Variants in KCNT1 observed in about 807,000 individuals in gnomAD.
KCNT1 encodes the protein potassium channel subfamily T member 1.
A neutral mutation model predicts 147.8 loss-of-function variants in KCNT1; 78 were observed. The ratio of observed to expected loss-of-function variants is 0.53; its 90% CI spans 0.44 to 0.64. The LOEUF (loss-of-function observed/expected upper bound fraction) is 0.64. Ranked by LOEUF, KCNT1 falls within the 30% of genes least tolerant of loss-of-function variation. The pLI, the probability that KCNT1 is intolerant of heterozygous loss-of-function variation, is 0.00. For missense variants in KCNT1, 1,419 were observed against 1,750.3 expected, an observed-to-expected ratio of 0.81 and a Z score of 3.38; for synonymous variants, 867 against 748.8, an observed-to-expected ratio of 1.16 and a Z score of -2.58.
At chr9:135,757,275 G>A in intron 8 of KCNT1, 23 bp from the exon 9 acceptor site, 1 of 1,612,736 alleles carries the variant, frequency 6.2e-7, no homozygotes, top group Non-Finnish European at 8.5e-7. Context: ...TGGAGCCCCA[G>A]CCCTGACCTG....
intron 2 of KCNT1, among the ~76,000 whole-genome samples, chr9:135,722,258 C>A (rs1835954407): frequency 1.3e-5 from 2 of 152,214 alleles, no homozygotes; most frequent in African/African-American, 4.8e-5. Context: ...GAGGGCGAAT[C>A]CCGCGTCCCC....
chr9:135,747,487 C>A lies in KCNT1; in HGVS notation c.255-2611C>A, dbSNP rs368516372. On this transcript the variant is annotated intron_variant, in intron 2 of 30. Transcript: ENST00000371757. ...CTCCCGCCTCAGCCCTGCCTGCCCC[C>A]CTGACATGGCCAGACCAGGCCCAGC... is the stretch of plus-strand genomic sequence containing the variant. Among the ~76,000 whole-genome samples the A allele has an allele frequency of 7.2e-5, 11 of 152,248 alleles. No individual in the cohort carries two copies. The East Asian group carries it at 7.7e-4, about 11-fold the overall frequency.
chr9:135,716,898 G>A (rs1182170719), intron 2 of KCNT1, among the ~76,000 whole-genome samples: 3 of 152,216 alleles, frequency 2.0e-5, no homozygotes, highest in African/African-American at 4.8e-5. Context: ...GGGCTGTGTG[G>A]TCGCCATACC....
intron 25 of KCNT1, 113 bp downstream of exon 25, chr9:135,784,238 T>TCCCTGGATTCCAAGGAGACCTC: frequency 1.2e-6 from 1 of 859,652 alleles, no homozygotes. Flanking sequence ...TGAATGACCT[T>TCCCTGGATTCCAAGGAGACCTC]CCCTGGATTC....
In KCNT1 at chr9:135,752,463, T is replaced by G; in HGVS notation, c.434+1422T>G. 2.2e-6 allele frequency: 1 copy of G among 456,178 alleles called. No individual in the cohort carries two copies. Among genetic ancestry groups the G allele is most frequent in the South Asian group, 1.5e-5 (1 of 64,540 alleles). The allele number at this position is 456,178 out of a possible 1,614,324, so 28.3% of individuals were successfully genotyped here. A position where few individuals can be genotyped will look rare whatever the true frequency, so the allele number is the denominator to read the frequency against. The stretch of plus-strand genomic sequence containing the variant: ...CTCTCAAGCTACTTTCCTAGGTCAC[T>G]CCCCACCCCAAGTCCCAGGGTCCCC... On this transcript the variant is annotated intron_variant, in intron 4 of 30. Coordinates refer to ENST00000371757, the MANE Select transcript of KCNT1 (RefSeq NM_020822.3). The surrounding 1 kb of genome is among the most constrained non-coding windows in gnomAD (Gnocchi z 5.1).
chr9:135,774,057 ATG>A (rs1167193012), intron 19 of KCNT1, among the ~76,000 whole-genome samples: 7 of 149,102 alleles, frequency 4.7e-5, no homozygotes, highest in South Asian at 4.3e-4. Context: ...GGTGTATGTT[ATG>A]TGTGTGGTGT....
At chr9:135,736,449 G>A (rs1267017715) in intron 2 of KCNT1, 8 of 152,214 alleles carry the variant, frequency 5.3e-5, no homozygotes, top group African/African-American at 1.9e-4. Flanking sequence ...TTCTCCATGG[G>A]GCGTCCTGGC....
chr9:135,764,383 C>T (rs1024017855), intron 11 of KCNT1, among the ~76,000 whole-genome samples: 11 of 152,154 alleles, frequency 7.2e-5, no homozygotes, highest in Non-Finnish European at 1.6e-4. Flanking sequence ...TGGCTTGAGC[C>T]CGGGAAGTCA....
chr9:135,765,996 C>T (rs1832249030), intron 13 of KCNT1, among the ~76,000 whole-genome samples: 1 of 151,064 alleles, frequency 6.6e-6, no homozygotes, highest in Non-Finnish European at 1.5e-5. Context: ...TGGGATGGAC[C>T]ATTTAGGTGG....
At chr9:135,782,069 G>A (rs1215063719) in intron 24 of KCNT1, among the ~76,000 whole-genome samples, 1 of 152,126 alleles carries the variant, frequency 6.6e-6, no homozygotes, top group African/African-American at 2.4e-5. Context: ...AAATTAGCCG[G>A]GCGTGGTGGC....
intron 2 of KCNT1, chr9:135,736,679 G>T (rs1830355117): frequency 3.2e-6 from 1 of 315,712 alleles, no homozygotes; most frequent in Non-Finnish European, 5.8e-6. Context: ...GGCAAGGCGG[G>T]CCCGGGGGGC....
Position 135,768,240 on chromosome 9 carries a change from CGGGGGG to C in KCNT1, c.1338-358_1338-353del, listed in dbSNP as rs751932639. 3.5e-3 allele frequency among the ~76,000 whole-genome samples: 18 copies of C among 5,076 alleles called. 2 individuals are homozygous for C. The highest frequency in any genetic ancestry group is 0.013 in the Admixed American group (5 of 394). 3.3% of individuals were successfully genotyped at this position (5,076 alleles called of 152,430 possible). ...AGTCTGGAGAGGCCCAGGATGCCTGCGGGGGGGGGGGGGGGGGCACTGGGATACCGG... is the reference window on the plus strand; with the variant it reads ...AGTCTGGAGAGGCCCAGGATGCCTGCGGGGGGGGGGGCACTGGGATACCGG... On this transcript the variant is annotated intron_variant, in intron 13 of 30. Coordinates refer to ENST00000371757, the MANE Select transcript of KCNT1 (RefSeq NM_020822.3).
intron 2 of KCNT1, among the ~76,000 whole-genome samples, chr9:135,735,079 C>T (rs1830280202): frequency 1.3e-5 from 2 of 152,190 alleles, no homozygotes; most frequent in South Asian, 2.1e-4. Context: ...TGCTGGTGCT[C>T]CCCAACACCA....
chr9:135,747,480 C>G lies in KCNT1; in HGVS notation c.255-2618C>G, dbSNP rs562252355. Among the ~76,000 whole-genome samples the G allele has an allele frequency of 2.6e-5, 4 of 152,236 alleles. No individual in the cohort carries two copies. In the East Asian group the frequency reaches 7.8e-4, roughly 30 times the overall value. On this transcript the variant is annotated intron_variant, in intron 2 of 30. Coordinates refer to ENST00000371757, the MANE Select transcript of KCNT1 (RefSeq NM_020822.3). ...GGGGCAGCTCCCGCCTCAGCCCTGC[C>G]TGCCCCCCTGACATGGCCAGACCAG... is the stretch of plus-strand genomic sequence containing the variant.
rs530847848 is a variant in KCNT1 at position 135,758,299 on chromosome 9, C to T, written c.760-115C>T. 4.4e-5 allele frequency: 34 copies of T among 768,156 alleles called. 1 individual carries two copies. Among genetic ancestry groups the T allele is most frequent in the South Asian group, 1.7e-4 (11 of 64,768 alleles). The allele number at this position is 768,156 out of a possible 1,614,324, so 47.6% of individuals were successfully genotyped here. Reference sequence around the variant, plus strand: ...TACAGGCTGCCCCGTGGGCCTCAGCCGAGACGCAGGTGTGGCCGGGCCGTC... The same window carrying T: ...TACAGGCTGCCCCGTGGGCCTCAGCTGAGACGCAGGTGTGGCCGGGCCGTC... On this transcript the variant is annotated intron_variant, in intron 9 of 30. Transcript: ENST00000371757.
intron 2 of KCNT1, chr9:135,736,602 C>G (rs1830349936): frequency 6.7e-6 from 1 of 150,046 alleles, no homozygotes; most frequent in Non-Finnish European, 1.5e-5. Context: ...GCCCGCCGCC[C>G]GCCGCCCGCC....
intron 2 of KCNT1, among the ~76,000 whole-genome samples, chr9:135,748,607 G>A (rs1209280907): frequency 6.6e-6 from 1 of 152,208 alleles, no homozygotes; most frequent in East Asian, 1.9e-4. Context: ...ACAGGGGTTA[G>A]GCTGGTGCTT....
intron 2 of KCNT1, among the ~76,000 whole-genome samples, chr9:135,749,464 C>T (rs1831026696): frequency 6.6e-6 from 1 of 152,188 alleles, no homozygotes; most frequent in African/African-American, 2.4e-5. Context: ...GTGGCTGGGG[C>T]CATAGGTGAG....
At chr9:135,753,850 C>A in intron 4 of KCNT1, 87 bp from the exon 5 acceptor site, 1 of 1,442,202 alleles carries the variant, frequency 6.9e-7, no homozygotes, top group Admixed American at 1.7e-5. Context: ...CCCCCATGAA[C>A]CCGAGCCTGT....
Sources: gnomAD v4.1 joint callset for allele counts (sites outside exome capture counted in the v4.1 genomes callset) on GRCh38, gnomAD v4.1.1 for gene constraint, Gnocchi (gnomAD v3.1) non-coding constraint, MANE v1.5 for transcripts, NCBI Gene and HGNC (gene_info 2026-07-23, HGNC 2026-07-21) for gene names.